Variants in OXSR1 observed in about 807,000 individuals in gnomAD.
OXSR1 encodes serine/threonine-protein kinase OSR1.
In OXSR1, 24 loss-of-function variants were observed where a neutral mutation model predicts 79.8. The observed-to-expected ratio is 0.30, with a 90% CI of 0.22 to 0.42. The LOEUF is 0.42. OXSR1 is among the 10% of genes least tolerant of loss of function. The pLI, the probability that OXSR1 is intolerant of heterozygous loss-of-function variation, is 1.00. For synonymous variants in OXSR1, 226 were observed against 209.2 expected, an observed-to-expected ratio of 1.08 and a Z score of -0.69; for missense variants, 430 against 618.4, an observed-to-expected ratio of 0.70 and a Z score of 3.23.
intron 5 of OXSR1, among the ~76,000 whole-genome samples, chr3:38,219,237 GT>G (rs753069191): frequency 1.5e-3 from 221 of 152,232 alleles, no homozygotes; most frequent in Non-Finnish European, 2.5e-3. Flanking sequence ...ACAAGCAGAG[GT>G]ATACCAGCTG....
In OXSR1 at chr3:38,165,596, T is replaced by G; in HGVS notation, c.-281T>G. ...AGAGGGGCTGGGCCCAGGCAAAGCT[T>G]CTGTCGCTGCTGCTGCGGAGGCCGA... is the stretch of plus-strand genomic sequence containing the variant. On this transcript the variant is annotated 5_prime_UTR_variant, in exon 1 of 18. Transcript: ENST00000311806. 2.4e-6 allele frequency: 1 copy of G among 420,806 alleles called. No individual in the cohort carries two copies. The highest frequency in any genetic ancestry group is 4.3e-6 in the Non-Finnish European group (1 of 233,854). 26.1% of individuals were successfully genotyped at this position (420,806 alleles called of 1,614,324 possible). A position where few individuals can be genotyped will look rare whatever the true frequency, so the allele number is the denominator to read the frequency against.
chr3:38,210,677 T>C (rs924903851), intron 4 of OXSR1, among the ~76,000 whole-genome samples: 2 of 152,166 alleles, frequency 1.3e-5, no homozygotes, highest in African/African-American at 4.8e-5. Context: ...CCAGCAATAG[T>C]CTTCTGCTGC....
chr3:38,216,474 T>C (rs1484277944), intron 5 of OXSR1, among the ~76,000 whole-genome samples: 2 of 152,210 alleles, frequency 1.3e-5, no homozygotes, highest in Admixed American at 6.5e-5. Flanking sequence ...AGGATCTTCA[T>C]TGTGTTTAAG....
intron 1 of OXSR1, among the ~76,000 whole-genome samples, chr3:38,179,375 C>T (rs1005655259): frequency 6.6e-6 from 1 of 152,078 alleles, no homozygotes; most frequent in Admixed American, 6.5e-5. Context: ...CCATGTTGCC[C>T]ATGCGGGTCT....
intron 2 of OXSR1, among the ~76,000 whole-genome samples, chr3:38,186,225 G>T (rs1473979042): frequency 6.6e-6 from 1 of 152,006 alleles, no homozygotes; most frequent in African/African-American, 2.4e-5. Flanking sequence ...AGAAATAGAG[G>T]CAAGTGTCTT....
chr3:38,194,431 C>A (rs1370259021), intron 3 of OXSR1, among the ~76,000 whole-genome samples: 1 of 152,028 alleles, frequency 6.6e-6, no homozygotes, highest in African/African-American at 2.4e-5. Context: ...GTAGCCCTGG[C>A]TACTTGGGAG....
intron 15 of OXSR1, 23 bp from the exon 16 acceptor site, chr3:38,251,380 C>T (rs745461922): frequency 1.2e-6 from 2 of 1,602,864 alleles, no homozygotes; most frequent in Non-Finnish European, 1.7e-6. Context: ...AAAAACAGAG[C>T]ACTGTCTTCT....
At chr3:38,186,617 T>C (rs941407649) in intron 2 of OXSR1, among the ~76,000 whole-genome samples, 1 of 152,240 alleles carries the variant, frequency 6.6e-6, no homozygotes, top group African/African-American at 2.4e-5. Flanking sequence ...AGTTCATCCA[T>C]ATTGTAGCAT....
intron 10 of OXSR1, 100 bp downstream of exon 10, chr3:38,230,530 C>T: frequency 1.3e-6 from 1 of 788,678 alleles, no homozygotes; most frequent in Non-Finnish European, 2.2e-6. Context: ...ATGAGAATTA[C>T]TGGTTTTCTG....
intron 13 of OXSR1, 70 bp from the exon 14 acceptor site, chr3:38,247,598 C>A: frequency 1.9e-6 from 2 of 1,068,362 alleles, no homozygotes; most frequent in Non-Finnish European, 2.9e-6. Flanking sequence ...GATTCCTCTG[C>A]CAGTGACCAT....
At chr3:38,178,621 T>TATATATATATA (rs1491123706) in intron 1 of OXSR1, among the ~76,000 whole-genome samples, 14 of 65,778 alleles carry the variant, frequency 2.1e-4, no homozygotes, top group African/African-American at 8.9e-4. Flanking sequence ...TATATATATA[T>TATATATATATA]TTTTTTTTTT....
chr3:38,182,929 T>G, intron 1 of OXSR1, 74 bp from the exon 2 acceptor site: 2 of 798,548 alleles, frequency 2.5e-6, no homozygotes, highest in South Asian at 3.3e-5. Context: ...CTTGTTTAAA[T>G]TGTATGGGAA....
chr3:38,242,643 A>T, intron 11 of OXSR1, 100 bp from the exon 12 acceptor site: 1 of 623,160 alleles, frequency 1.6e-6, no homozygotes, highest in Non-Finnish European at 2.9e-6. Flanking sequence ...GATCAGAATT[A>T]AATGGAGTTG....
At chr3:38,206,692 A>G (rs1453024190) in intron 4 of OXSR1, among the ~76,000 whole-genome samples, 1 of 152,238 alleles carries the variant, frequency 6.6e-6, no homozygotes, top group East Asian at 1.9e-4. Context: ...AAAGAGGACA[A>G]CACAATATAT....
Position 38,254,961 on chromosome 3 carries a change from A to G in OXSR1, c.*2070A>G, listed in dbSNP as rs1703335695. 1 of 152,680 alleles carries G rather than the reference A, an allele frequency of 6.5e-6. No individual in the cohort carries two copies. The highest frequency in any genetic ancestry group is 1.5e-5 in the Non-Finnish European group (1 of 68,076). The allele number at this position is 152,680 out of a possible 1,614,324, so 9.5% of individuals were successfully genotyped here. ...CAGTTCATTGTTTGCCCTGCTAGGA[A>G]TTAGAAGACAGACACCATGTCCCAG... is the stretch of plus-strand genomic sequence containing the variant. On this transcript the variant is annotated 3_prime_UTR_variant, in exon 18 of 18. Coordinates refer to ENST00000311806, the MANE Select transcript of OXSR1 (RefSeq NM_005109.3).
Position 38,254,775 on chromosome 3 carries a change from G to T in OXSR1, c.*1884G>T, listed in dbSNP as rs1198136461. ...TTATTTATGAATCCAAGGGGTGGCA[G>T]CATCACTCTGTTCTAGCATTCTTTG... is the stretch of plus-strand genomic sequence containing the variant. On this transcript the variant is annotated 3_prime_UTR_variant, in exon 18 of 18. Coordinates refer to ENST00000311806, the MANE Select transcript of OXSR1 (RefSeq NM_005109.3). 3 of 151,844 alleles carry T rather than the reference G, an allele frequency of 2.0e-5. No homozygotes were observed. Among genetic ancestry groups the T allele is most frequent in the Admixed American group, 6.6e-5 (1 of 15,222 alleles). The allele number at this position is 151,844 out of a possible 1,614,324, so 9.4% of individuals were successfully genotyped here. A position where few individuals can be genotyped will look rare whatever the true frequency, so the allele number is the denominator to read the frequency against.
chr3:38,232,098 C>G (rs1702820161), intron 10 of OXSR1, among the ~76,000 whole-genome samples: 1 of 151,874 alleles, frequency 6.6e-6, no homozygotes, highest in Non-Finnish European at 1.5e-5. Context: ...CAGAGCAAGA[C>G]TCTGTCTCAA....
intron 10 of OXSR1, 136 bp from the exon 11 acceptor site, chr3:38,236,703 T>A: frequency 1.3e-6 from 1 of 754,576 alleles, no homozygotes; most frequent in Non-Finnish European, 2.0e-6. Flanking sequence ...AGGATATGAA[T>A]TTGTATGGGA....
chr3:38,219,156 T>C (rs1172283110), intron 5 of OXSR1, among the ~76,000 whole-genome samples: 2 of 152,168 alleles, frequency 1.3e-5, no homozygotes, highest in African/African-American at 4.8e-5. Context: ...AAGAATATTT[T>C]GGTAAAGGGG....
Sources: allele counts gnomAD v4.1 joint callset (sites outside exome capture counted in the v4.1 genomes callset), GRCh38; gene constraint gnomAD v4.1.1; transcripts MANE v1.5; gene names NCBI Gene and HGNC (gene_info 2026-07-23, HGNC 2026-07-21).